SHQ1: variants seen among roughly 807,000 people sequenced by gnomAD.
SHQ1 encodes the protein protein SHQ1 homolog.
In SHQ1, 49 loss-of-function variants were observed where a neutral mutation model predicts 53.8. That is an observed-to-expected ratio of 0.91 (90% CI 0.72 to 1.16). SHQ1 has a LOEUF of 1.16. Ranked by LOEUF, SHQ1 falls within the 50% of genes most tolerant of loss-of-function variation. The pLI, the probability that SHQ1 is intolerant of heterozygous loss-of-function variation, is 0.00. For missense variants in SHQ1, 738 were observed against 683.1 expected, an observed-to-expected ratio of 1.08 and a Z score of -0.90; for synonymous variants, 243 against 251.0, an observed-to-expected ratio of 0.97 and a Z score of 0.30.
At chr3:72,794,483 C>A (rs914217159) in intron 9 of SHQ1, 2 of 152,220 alleles carry the variant, frequency 1.3e-5, no homozygotes, top group African/African-American at 4.8e-5. Flanking sequence ...TTTCATTCTA[C>A]GGTCTCACCC....
At chr3:72,754,271 C>T (rs1405587026) in intron 10 of SHQ1, among the ~76,000 whole-genome samples, 15 of 152,204 alleles carry the variant, frequency 9.9e-5, no homozygotes, top group African/African-American at 3.4e-4. Flanking sequence ...CAACAAGGGG[C>T]GGTCACGACT....
chr3:72,788,179 T>C (rs573114573), intron 10 of SHQ1, among the ~76,000 whole-genome samples: 69 of 151,216 alleles, frequency 4.6e-4, no homozygotes, highest in Middle Eastern at 6.8e-3. Context: ...CCGCCCATCG[T>C]CTGGGATGTG....
chr3:72,788,113 T>C (rs1184347924), intron 10 of SHQ1, among the ~76,000 whole-genome samples: 1 of 152,216 alleles, frequency 6.6e-6, no homozygotes, highest in East Asian at 1.9e-4. Flanking sequence ...GTGCCAAGTT[T>C]GCAGCCTCTG....
chr3:72,826,766 G>A (rs538823336), intron 5 of SHQ1, among the ~76,000 whole-genome samples: 15 of 152,276 alleles, frequency 9.9e-5, no homozygotes, highest in African/African-American at 3.1e-4. Flanking sequence ...ACTGGTTGGC[G>A]AAGGCTAGAA....
the SHQ1 span, among the ~76,000 whole-genome samples, chr3:72,738,116 T>C: frequency 6.6e-6 from 1 of 152,118 alleles, no homozygotes; most frequent in East Asian, 1.9e-4. Flanking sequence ...GTCCCTCTGC[T>C]CATCCAACTC....
Position 72,841,057 on chromosome 3 carries a change from C to T in SHQ1, c.474G>A (p.Leu158=), listed in dbSNP as rs752235779. ...AAAGACAACATACCTGTAACCGTTG[C>T]AACACTCCTGATCGTAAGTTTCCAA... ...YGFGNLRSGV[L]QRLQDELSDV... is the part of the protein sequence containing the mutation. Residue 158 remains leucine (L), a synonymous_variant, in exon 4 of 11, where the codon TTG becomes TTA. Transcript: ENST00000325599. The T allele has an allele frequency of 3.1e-6, 5 of 1,612,290 alleles. No homozygotes were observed. In the African/African-American group the frequency reaches 4.0e-5, roughly 13 times the overall value.
At chr3:72,755,273 T>C (rs1034259886) in intron 10 of SHQ1, among the ~76,000 whole-genome samples, 11 of 150,098 alleles carry the variant, frequency 7.3e-5, no homozygotes, top group African/African-American at 2.5e-4. Flanking sequence ...GATAGATGGA[T>C]AGATGGATGG....
the SHQ1 span, among the ~76,000 whole-genome samples, chr3:72,726,721 T>A: frequency 6.6e-6 from 1 of 152,162 alleles, no homozygotes; most frequent in Non-Finnish European, 1.5e-5. Flanking sequence ...GCGAAGCTCA[T>A]CTGATGAGGA....
chr3:72,820,136 A>G (rs1001231433), intron 6 of SHQ1, among the ~76,000 whole-genome samples: 1 of 152,042 alleles, frequency 6.6e-6, no homozygotes, highest in African/African-American at 2.4e-5. Context: ...CAACATGTCA[A>G]CTCTCTACAT....
intron 10 of SHQ1, chr3:72,753,054 T>C (rs1214764010): frequency 2.0e-6 from 2 of 985,156 alleles, no homozygotes; most frequent in South Asian, 4.7e-5. Context: ...TGGATGCATT[T>C]AGTTGTTTTT....
intron 1 of SHQ1, chr3:72,846,187 T>C: frequency 6.5e-7 from 1 of 1,532,436 alleles, no homozygotes; most frequent in Non-Finnish European, 8.7e-7. Context: ...GTTAAATTCT[T>C]ACTGCAGAGA....
rs77639332 is a variant in SHQ1 at position 72,823,596 on chromosome 3, T to C, written c.727+828A>G. On this transcript the variant is annotated intron_variant, in intron 6 of 10. Coordinates refer to ENST00000325599, the MANE Select transcript of SHQ1 (RefSeq NM_018130.3). ...CTATGTAATCATGAAAAGCTTCAGGTAGATCTCTACATACTAATATGGAAG... is the reference window on the plus strand; with the variant it reads ...CTATGTAATCATGAAAAGCTTCAGGCAGATCTCTACATACTAATATGGAAG... Among the ~76,000 whole-genome samples, 1,023 of 152,278 alleles carry C rather than the reference T, an allele frequency of 6.7e-3. 14 individuals carry two copies. Among genetic ancestry groups the C allele is most frequent in the Admixed American group, 0.023 (352 of 15,298 alleles).
chr3:72,843,139 T>C (rs1208705333), intron 2 of SHQ1, among the ~76,000 whole-genome samples: 3 of 151,978 alleles, frequency 2.0e-5, no homozygotes, highest in African/African-American at 7.2e-5. Flanking sequence ...TTATACAGTA[T>C]GACCTTTACC....
At chr3:72,772,048 T>C (rs1012520530) in intron 10 of SHQ1, among the ~76,000 whole-genome samples, 2 of 152,076 alleles carry the variant, frequency 1.3e-5, no homozygotes, top group South Asian at 2.1e-4. Context: ...AGAGAAGAGT[T>C]TGCAAGACTT....
chr3:72,734,983 C>G, the SHQ1 span, among the ~76,000 whole-genome samples: 1 of 151,538 alleles, frequency 6.6e-6, no homozygotes, highest in Non-Finnish European at 1.5e-5. Context: ...GCGTGGATTT[C>G]TCAGTGGGGT....
intron 2 of SHQ1, among the ~76,000 whole-genome samples, chr3:72,843,991 A>G (rs1456378256): frequency 6.6e-6 from 1 of 152,216 alleles, no homozygotes; most frequent in Non-Finnish European, 1.5e-5. Context: ...TTAAAGTTCA[A>G]GTTTGAAAAT....
chr3:72,730,040 G>C, the SHQ1 span, among the ~76,000 whole-genome samples: 1 of 151,874 alleles, frequency 6.6e-6, no homozygotes, highest in Non-Finnish European at 1.5e-5. Flanking sequence ...GGATGGTCTC[G>C]ATCTCCTGAC....
At chr3:72,832,956 A>C (rs1216303740) in intron 4 of SHQ1, among the ~76,000 whole-genome samples, 6 of 152,196 alleles carry the variant, frequency 3.9e-5, no homozygotes, top group African/African-American at 1.4e-4. Flanking sequence ...CCCTTATACA[A>C]AATGCTTGGG....
intron 4 of SHQ1, among the ~76,000 whole-genome samples, chr3:72,833,920 C>T (rs901607466): frequency 3.3e-5 from 5 of 152,126 alleles, no homozygotes; most frequent in Admixed American, 3.3e-4. Flanking sequence ...AGAATATTAG[C>T]TGAAAAGAAA....
Sources: allele counts gnomAD v4.1 joint callset (sites outside exome capture counted in the v4.1 genomes callset), GRCh38; gene constraint gnomAD v4.1.1; transcripts MANE v1.5; gene names NCBI Gene and HGNC (gene_info 2026-07-23, HGNC 2026-07-21).